Variants in CYP4F8 observed in about 807,000 individuals in gnomAD.
CYP4F8 encodes cytochrome P450 4F8.
In CYP4F8, 56 loss-of-function variants were observed where a neutral mutation model predicts 55.0. That is an observed-to-expected ratio of 1.02 (90% confidence interval 0.82 to 1.27). The LOEUF is 1.27. Ranked by LOEUF, CYP4F8 falls within the 50% of genes most tolerant of loss-of-function variation. The pLI, the probability that CYP4F8 is intolerant of heterozygous loss-of-function variation, is 0.00. For missense variants in CYP4F8, 680 were observed against 682.4 expected (o/e 1.00, Z 0.04); for synonymous variants, 288 against 267.3 (o/e 1.08, Z -0.76).
At position 15,619,621 on chromosome 19, in the gene CYP4F8, G is replaced by A. The variant is rs1285362999; in HGVS notation, c.398-14G>A. 4.3e-6 allele frequency: 7 copies of A among 1,614,088 alleles called. No homozygotes were observed. The African/African-American group carries it at 8.0e-5, about 18-fold the overall frequency. On this transcript the variant is annotated splice_polypyrimidine_tract_variant and intron_variant, in intron 4 of 12. Coordinates refer to ENST00000612078, the MANE Select transcript of CYP4F8 (RefSeq NM_007253.4). ...GATTCTGCCCTTGCCCACAGCCTTTGGCTGCCGTACTAGGGGATGGGCTCT... is the reference window on the plus strand; with the variant it reads ...GATTCTGCCCTTGCCCACAGCCTTTAGCTGCCGTACTAGGGGATGGGCTCT...
At chr19:15,621,264 G>C (rs56758671) in intron 5 of CYP4F8, among the ~76,000 whole-genome samples, 23,277 of 152,170 alleles carry the variant, frequency 0.15, 1,841 homozygotes, top group Middle Eastern at 0.21. Context: ...AGGGTTGACC[G>C]GGTGTGGTGG....
chr19:15,622,431 C>A, intron 6 of CYP4F8, 91 bp downstream of exon 6: 1 of 1,543,128 alleles, frequency 6.5e-7, no homozygotes, highest in Non-Finnish European at 8.8e-7. Flanking sequence ...AAGAGCCTTC[C>A]TGGAGAGATG....
At chr19:15,624,160 C>T in intron 9 of CYP4F8, 66 bp downstream of exon 9, 1 of 1,581,632 alleles carries the variant, frequency 6.3e-7, no homozygotes, top group Middle Eastern at 1.7e-4. Flanking sequence ...GTTCTTCTCC[C>T]CAGGTGGGGG....
At chr19:15,616,445 G>A (rs1320230236) in intron 2 of CYP4F8, among the ~76,000 whole-genome samples, 2 of 152,122 alleles carry the variant, frequency 1.3e-5, no homozygotes, top group Non-Finnish European at 2.9e-5. Flanking sequence ...ATGGGTTCCT[G>A]TGGCAGAGTG....
chr19:15,618,793 G>A (rs1972156216), intron 3 of CYP4F8: 1 of 189,182 alleles, frequency 5.3e-6, no homozygotes, highest in Non-Finnish European at 1.1e-5. Context: ...ATCCCATCCT[G>A]TGGCACTTCC....
chr19:15,628,280 T>G (rs767541961), intron 9 of CYP4F8, 22 bp from the exon 10 acceptor site: 3 of 1,613,808 alleles, frequency 1.9e-6, no homozygotes, highest in Non-Finnish European at 2.5e-6. Flanking sequence ...GCTCTCTGGA[T>G]AATTGTTGGG....
At chr19:15,625,157 A>G (rs936783431) in intron 9 of CYP4F8, among the ~76,000 whole-genome samples, 2 of 151,664 alleles carry the variant, frequency 1.3e-5, no homozygotes, top group African/African-American at 2.4e-5. Context: ...ATATATTTTT[A>G]AAAGTTTAAC....
Position 15,629,180 on chromosome 19 carries a change from C to T in CYP4F8, c.1398-13C>T, listed in dbSNP as rs1372330449. Reference sequence around the variant, plus strand: ...GTCCTGGGTGCAGTCAGACCTTCCACCTTGGCCCCCAGGAACTGCATCGGG... The same window carrying T: ...GTCCTGGGTGCAGTCAGACCTTCCATCTTGGCCCCCAGGAACTGCATCGGG... On this transcript the variant is annotated splice_polypyrimidine_tract_variant and intron_variant, in intron 12 of 12. Coordinates refer to ENST00000612078, the MANE Select transcript of CYP4F8 (RefSeq NM_007253.4). The T allele has an allele frequency of 8.2e-6, 13 of 1,592,900 alleles. No homozygotes were observed. Among genetic ancestry groups the T allele is most frequent in the East Asian group, 2.3e-5 (1 of 44,150 alleles).
chr19:15,628,626 G>C (rs780555559), intron 11 of CYP4F8, 31 bp downstream of exon 11: 8 of 1,610,700 alleles, frequency 5.0e-6, no homozygotes, highest in Admixed American at 1.7e-5. Context: ...TCCATCCCCC[G>C]GGCCTGGTCG....
intron 11 of CYP4F8, 47 bp from the exon 12 acceptor site, chr19:15,628,714 G>T: frequency 6.2e-7 from 1 of 1,611,170 alleles, no homozygotes; most frequent in South Asian, 1.1e-5. Flanking sequence ...GGGTGGCTGG[G>T]TGTCCTGAGA....
intron 2 of CYP4F8, among the ~76,000 whole-genome samples, chr19:15,617,516 A>G (rs932575473): frequency 8.3e-6 from 1 of 121,010 alleles, no homozygotes; most frequent in Non-Finnish European, 1.9e-5. Context: ...CTATCTATCT[A>G]TCTATCTATC....
chr19:15,616,170 T>G (rs148120606), intron 2 of CYP4F8, among the ~76,000 whole-genome samples: 266 of 77,488 alleles, frequency 3.4e-3, no homozygotes, highest in Middle Eastern at 8.9e-3. Flanking sequence ...TCATTCCTCT[T>G]CCCACTCACT....
chr19:15,623,028 G>A, intron 6 of CYP4F8, 77 bp from the exon 7 acceptor site: 1 of 1,510,492 alleles, frequency 6.6e-7, no homozygotes, highest in Non-Finnish European at 8.9e-7. Context: ...ATGTGGTCCT[G>A]GGATTCTGGC....
chr19:15,627,638 C>T (rs1471202405), intron 9 of CYP4F8: 1 of 152,152 alleles, frequency 6.6e-6, no homozygotes, highest in Non-Finnish European at 1.5e-5. Context: ...TATGGTCATC[C>T]CACCCTACAG....
chr19:15,616,834 T>C (rs890423512), intron 2 of CYP4F8, among the ~76,000 whole-genome samples: 2 of 152,186 alleles, frequency 1.3e-5, no homozygotes, highest in African/African-American at 4.8e-5. Flanking sequence ...CTTTGGGCGA[T>C]TTGGCATCAG....
chr19:15,623,767 TGA>T lies in CYP4F8; in HGVS notation c.985+4_985+5del. 6.2e-7 allele frequency: 1 copy of T among 1,613,344 alleles called. No homozygotes were observed. Among genetic ancestry groups the T allele is most frequent in the Non-Finnish European group, 8.5e-7 (1 of 1,179,980 alleles). ...AAGCTGACACTTTCATGTTTGGAGG[TGA>T]GTGTCCCAGTCTGGGGCTACAGTGG... On this transcript the variant is annotated splice_donor_region_variant and intron_variant, in intron 8 of 12. Transcript: ENST00000612078.
At chr19:15,622,389 G>A (rs1972206161) in intron 6 of CYP4F8, 49 bp downstream of exon 6, 1 of 1,536,206 alleles carries the variant, frequency 6.5e-7, no homozygotes, top group South Asian at 1.1e-5. Flanking sequence ...TGGGGGTGTG[G>A]GTGTGGGGAG....
intron 5 of CYP4F8, 90 bp from the exon 6 acceptor site, chr19:15,622,129 C>T (rs1303175836): frequency 3.3e-6 from 5 of 1,503,618 alleles, no homozygotes; most frequent in Middle Eastern, 1.8e-4. Context: ...AGGAGCATGC[C>T]TCTGGGGGAG....
chr19:15,624,023 A>G lies in CYP4F8; in HGVS notation c.1044A>G (p.Pro348=), dbSNP rs1289736923. 7 of 1,614,100 alleles carry G rather than the reference A, an allele frequency of 4.3e-6. No homozygotes were observed. Among genetic ancestry groups the G allele is most frequent in the Non-Finnish European group, 5.9e-6 (7 of 1,180,050 alleles). ...TCTTGTACAACCTCGCGAGGCACCC[A>G]GAATACCAAGAACGCTGCCGGCAGG... The part of the protein sequence containing the change: ...SWVLYNLARH[P]EYQERCRQEV... Residue 348 remains proline (P), a synonymous_variant, in exon 9 of 13, where the codon CCA becomes CCG. Coordinates refer to ENST00000612078, the MANE Select transcript of CYP4F8 (RefSeq NM_007253.4).
Sources: gnomAD v4.1 joint callset for allele counts (sites outside exome capture counted in the v4.1 genomes callset) on GRCh38, gnomAD v4.1.1 for gene constraint, MANE v1.5 for transcripts, NCBI Gene and HGNC (gene_info 2026-07-23, HGNC 2026-07-21) for gene names.